The following KLF12 variants were observed in gnomAD, a reference collection of about 807,000 sequenced individuals.
KLF12 encodes the protein KLF transcription factor 12, also known as Krueppel-like factor 12.
In KLF12, 9 loss-of-function variants were observed where a neutral mutation model predicts 37.8. The ratio of observed to expected loss-of-function variants is 0.24; its 90% CI spans 0.14 to 0.42. KLF12 has a LOEUF of 0.42. Ranked by LOEUF, KLF12 falls within the 10% of genes least tolerant of loss-of-function variation. The pLI is 1.00. For synonymous variants in KLF12, 208 were observed against 202.1 expected, an observed-to-expected ratio of 1.03 and a Z score of -0.25; for missense variants, 411 against 516.0, an observed-to-expected ratio of 0.80 and a Z score of 1.97.
intron 6 of KLF12, among the ~76,000 whole-genome samples, chr13:73,751,979 T>C (rs954579002): frequency 3.9e-5 from 6 of 152,052 alleles, no homozygotes; most frequent in Non-Finnish European, 8.8e-5. Context: ...CTGTCCAGTT[T>C]ACCTATGGAT....
chr13:74,163,255 C>A, the KLF12 span, among the ~76,000 whole-genome samples: 133 of 152,216 alleles, frequency 8.7e-4, 2 homozygotes, highest in South Asian at 0.018. Flanking sequence ...GAAAGAAAAT[C>A]AGTATATCAA....
intron 1 of KLF12, among the ~76,000 whole-genome samples, chr13:74,069,927 A>G (rs911352197): frequency 3.3e-5 from 5 of 152,238 alleles, no homozygotes; most frequent in African/African-American, 9.6e-5. Flanking sequence ...AGTTGTGAAC[A>G]TGATGAGTTT....
chr13:74,144,448 T>G, the KLF12 span, among the ~76,000 whole-genome samples: 1 of 152,208 alleles, frequency 6.6e-6, no homozygotes, highest in African/African-American at 2.4e-5. Context: ...TAACTGCGTA[T>G]TTGTATTTAA....
chr13:74,293,843 T>A, the KLF12 span, among the ~76,000 whole-genome samples: 2 of 152,194 alleles, frequency 1.3e-5, no homozygotes, highest in African/African-American at 4.8e-5. Flanking sequence ...ATGGTAAACG[T>A]AATATGAAAT....
chr13:73,972,114 C>T (rs1472919763), intron 2 of KLF12, among the ~76,000 whole-genome samples: 1 of 152,066 alleles, frequency 6.6e-6, no homozygotes, highest in African/African-American at 2.4e-5. Flanking sequence ...TTCTGAAATG[C>T]TTTGAGTAAA....
chr13:74,054,446 A>G (rs1229343210), intron 1 of KLF12, among the ~76,000 whole-genome samples: 1 of 152,204 alleles, frequency 6.6e-6, no homozygotes, highest in Non-Finnish European at 1.5e-5. Flanking sequence ...ATTCCCTTGT[A>G]GAGGACCAAG....
intron 3 of KLF12, among the ~76,000 whole-genome samples, chr13:73,889,221 A>G (rs1481670582): frequency 6.6e-6 from 1 of 152,088 alleles, no homozygotes; most frequent in Non-Finnish European, 1.5e-5. Flanking sequence ...GATATTTAAC[A>G]TTTATATACA....
chr13:74,051,523 T>C (rs1872926359), intron 1 of KLF12, among the ~76,000 whole-genome samples: 1 of 151,914 alleles, frequency 6.6e-6, no homozygotes, highest in East Asian at 1.9e-4. Flanking sequence ...ATAAAGAAAG[T>C]AAAATGAGTG....
At chr13:74,274,396 A>C in the KLF12 span, among the ~76,000 whole-genome samples, 357 of 152,316 alleles carry the variant, frequency 2.3e-3, 3 homozygotes, top group African/African-American at 8.0e-3. Flanking sequence ...AAGATCGCAC[A>C]TTACCATTTT....
intron 4 of KLF12, among the ~76,000 whole-genome samples, chr13:73,831,356 T>C (rs1040571231): frequency 8.5e-5 from 13 of 152,182 alleles, no homozygotes; most frequent in African/African-American, 3.1e-4. Flanking sequence ...ATGTTGGTTA[T>C]TGTCAGGCTT....
chr13:74,188,546 C>T, the KLF12 span, among the ~76,000 whole-genome samples: 4 of 152,066 alleles, frequency 2.6e-5, no homozygotes, highest in African/African-American at 9.6e-5. Flanking sequence ...ATTATTGTAC[C>T]TGGCAAAACA....
At chr13:74,033,566 A>G (rs756317327) in intron 1 of KLF12, among the ~76,000 whole-genome samples, 12 of 152,208 alleles carry the variant, frequency 7.9e-5, no homozygotes, top group Non-Finnish European at 1.6e-4. Context: ...TTTGTAATCT[A>G]CTTCCTAGAT....
intron 1 of KLF12, among the ~76,000 whole-genome samples, chr13:74,112,985 T>C (rs1218604106): frequency 6.6e-6 from 1 of 152,190 alleles, no homozygotes; most frequent in Admixed American, 6.6e-5. Context: ...TTAATGCTAA[T>C]GACGGAGAAA....
chr13:74,112,664 G>A (rs1877051635), intron 1 of KLF12, among the ~76,000 whole-genome samples: 1 of 152,142 alleles, frequency 6.6e-6, no homozygotes, highest in Admixed American at 6.6e-5. Flanking sequence ...GATGTTGTGT[G>A]TGTTCTTACT....
At chr13:73,812,481 C>T (rs1270212983) in intron 5 of KLF12, among the ~76,000 whole-genome samples, 5 of 151,032 alleles carry the variant, frequency 3.3e-5, no homozygotes, top group African/African-American at 1.2e-4. Context: ...AGCACATATA[C>T]TTTAAGTATA....
At position 73,692,118 on chromosome 13, in the gene KLF12, A is replaced by G. The variant is rs1873859698; in HGVS notation, c.*3372T>C. The G allele has an allele frequency of 6.6e-6, 1 of 152,462 alleles. No individual in the cohort carries two copies. The highest frequency in any genetic ancestry group is 6.5e-5 in the Admixed American group (1 of 15,274). 9.4% of individuals were successfully genotyped at this position (152,462 alleles called of 1,614,324 possible). A position where few individuals can be genotyped will look rare whatever the true frequency, so the allele number is the denominator to read the frequency against. ...TTTTATAGAAACGACGCCAGGCAGAAGTATAATCTTTATGGTGAAGTCATT... is the reference window on the plus strand; with the variant it reads ...TTTTATAGAAACGACGCCAGGCAGAGGTATAATCTTTATGGTGAAGTCATT... On this transcript the variant is annotated 3_prime_UTR_variant, in exon 8 of 8. Transcript: ENST00000377669.
chr13:73,995,273 G>C (rs1015842922), intron 1 of KLF12, among the ~76,000 whole-genome samples: 3 of 152,048 alleles, frequency 2.0e-5, no homozygotes, highest in Non-Finnish European at 4.4e-5. Flanking sequence ...TATGACACTA[G>C]GACAAGATCC....
At chr13:74,220,240 C>T in the KLF12 span, among the ~76,000 whole-genome samples, 1 of 152,280 alleles carries the variant, frequency 6.6e-6, no homozygotes, top group Admixed American at 6.5e-5. Context: ...AGAATAATGG[C>T]TTTAAATGCT....
intron 5 of KLF12, among the ~76,000 whole-genome samples, chr13:73,806,504 C>A (rs887290671): frequency 2.0e-5 from 3 of 152,006 alleles, no homozygotes; most frequent in African/African-American, 7.2e-5. Context: ...GCTGGAAATA[C>A]AGGTGTGCAC....
Sources: gnomAD v4.1 joint callset for allele counts (sites outside exome capture counted in the v4.1 genomes callset) on GRCh38, gnomAD v4.1.1 for gene constraint, MANE v1.5 for transcripts, NCBI Gene and HGNC (gene_info 2026-07-23, HGNC 2026-07-21) for gene names.